The following GPR158 variants were observed in gnomAD, a reference collection of about 807,000 sequenced individuals.
GPR158 encodes the protein metabotropic glycine receptor.
GPR158 carries 30 observed loss-of-function variants against 78.2 expected under a neutral mutation model. The observed-to-expected ratio is 0.38, with a 90% confidence interval of 0.29 to 0.52. The LOEUF is 0.52. Ranked by LOEUF, GPR158 falls within the 20% of genes least tolerant of loss-of-function variation. The pLI, the probability that GPR158 is intolerant of heterozygous loss-of-function variation, is 0.83. For synonymous variants in GPR158, 581 were observed against 591.1 expected (o/e 0.98, Z 0.25); for missense variants, 1,463 against 1,523.5 (o/e 0.96, Z 0.66).
intron 2 of GPR158, among the ~76,000 whole-genome samples, chr10:25,222,753 T>G (rs1853317505): frequency 6.6e-6 from 1 of 152,194 alleles, no homozygotes; most frequent in African/African-American, 2.4e-5. Context: ...GACTTTTTTC[T>G]GCATGGGTGT....
intron 4 of GPR158, among the ~76,000 whole-genome samples, chr10:25,421,113 A>C (rs1834744380): frequency 6.6e-6 from 1 of 152,170 alleles, no homozygotes. Context: ...CTTTCTACTT[A>C]TATGTGTCTT....
intron 2 of GPR158, among the ~76,000 whole-genome samples, chr10:25,247,585 G>A (rs867831967): frequency 1.6e-4 from 20 of 126,720 alleles, no homozygotes; most frequent in Admixed American, 3.3e-4. Context: ...TTGTTCTTGC[G>A]ATAGTTTACT....
rs1300368408 is a variant in GPR158 at position 25,531,628 on chromosome 10, AT to A, written c.1405-19346del. The stretch of plus-strand genomic sequence containing the variant: ...TGGCTCCCTCGTCATAGGATTTGGT[AT>A]TATTTATGTTAATTTGCCATTGAGG... On this transcript the variant is annotated intron_variant, in intron 5 of 10. Transcript: ENST00000376351. Among the ~76,000 whole-genome samples, 5 of 61,888 alleles carry A rather than the reference AT, an allele frequency of 8.1e-5. No individual in the cohort carries two copies. The East Asian group carries it at 4.9e-3, about 60-fold the overall frequency. 40.6% of individuals were successfully genotyped at this position (61,888 alleles called of 152,430 possible). A position where few individuals can be genotyped will look rare whatever the true frequency, so the allele number is the denominator to read the frequency against.
At chr10:25,591,883 T>C (rs1837345420) in intron 8 of GPR158, among the ~76,000 whole-genome samples, 1 of 152,034 alleles carries the variant, frequency 6.6e-6, no homozygotes, top group Non-Finnish European at 1.5e-5. Flanking sequence ...ATACAGTAAA[T>C]CTGCATAACA....
rs1394981870 is a variant in GPR158 at position 25,445,179 on chromosome 10, A to G, written c.1336-21472A>G. 4.6e-5 allele frequency among the ~76,000 whole-genome samples: 7 copies of G among 152,238 alleles called. No homozygotes were observed. The East Asian group carries it at 1.2e-3, about 25-fold the overall frequency. On this transcript the variant is annotated intron_variant, in intron 4 of 10. Transcript: ENST00000376351. ...AAGTAATAAATGAGAAAAAAGGAAC[A>G]GGTATACAGAGGAAGTAACGCTTGA... is the stretch of plus-strand genomic sequence containing the variant.
At chr10:25,485,193 G>T (rs1210216708) in intron 5 of GPR158, among the ~76,000 whole-genome samples, 3 of 151,800 alleles carry the variant, frequency 2.0e-5, no homozygotes, top group Non-Finnish European at 4.4e-5. Flanking sequence ...GGAAAAAATT[G>T]TAAAAGGCTT....
chr10:25,318,373 C>T (rs933350617), intron 2 of GPR158, among the ~76,000 whole-genome samples: 4 of 151,808 alleles, frequency 2.6e-5, no homozygotes, highest in East Asian at 1.9e-4. Flanking sequence ...AGGTCATTTC[C>T]GTGTAATTAC....
chr10:25,511,801 A>T (rs972277325), intron 5 of GPR158, among the ~76,000 whole-genome samples: 17 of 151,454 alleles, frequency 1.1e-4, no homozygotes, highest in African/African-American at 4.1e-4. Context: ...TCCTTTCCCC[A>T]CTTTATGTTT....
intron 4 of GPR158, among the ~76,000 whole-genome samples, chr10:25,460,868 C>G (rs1005150833): frequency 6.6e-6 from 1 of 152,180 alleles, no homozygotes; most frequent in Non-Finnish European, 1.5e-5. Flanking sequence ...CTTTGTATCT[C>G]TGTGTCACAT....
chr10:25,428,390 G>A (rs10764551), intron 4 of GPR158, among the ~76,000 whole-genome samples: 106,286 of 151,772 alleles, frequency 0.7, 38,199 homozygotes, highest in Non-Finnish European at 0.8. Flanking sequence ...CAAACTCTTC[G>A]TTAATTATAT....
intron 1 of GPR158, among the ~76,000 whole-genome samples, chr10:25,193,606 A>G (rs1313346886): frequency 6.6e-6 from 1 of 152,224 alleles, no homozygotes; most frequent in Non-Finnish European, 1.5e-5. Context: ...AAACATGTGA[A>G]GTGCTTTACA....
chr10:25,281,909 CAT>C (rs1367621821), intron 2 of GPR158, among the ~76,000 whole-genome samples: 2 of 152,094 alleles, frequency 1.3e-5, no homozygotes, highest in Non-Finnish European at 2.9e-5. Flanking sequence ...CCAGTGTAGA[CAT>C]AGAAATATAA....
At chr10:25,219,318 T>C (rs1468289702) in intron 1 of GPR158, among the ~76,000 whole-genome samples, 1 of 152,224 alleles carries the variant, frequency 6.6e-6, no homozygotes, top group Non-Finnish European at 1.5e-5. Context: ...TAGTGTTATC[T>C]TACAGTGATA....
Position 25,297,614 on chromosome 10 carries a change from A to G in GPR158, c.1008+76457A>G, listed in dbSNP as rs577640508. Among the ~76,000 whole-genome samples the G allele has an allele frequency of 8.5e-5, 13 of 152,270 alleles. No individual in the cohort carries two copies. In the East Asian group the frequency reaches 2.3e-3, roughly 27 times the overall value. ...TGTTCTGTTTTATCTCTTAACCCCC[A>G]TCTCCCACGTACGTTGAATTTATCA... On this transcript the variant is annotated intron_variant, in intron 2 of 10. Transcript: ENST00000376351.
chr10:25,356,578 T>C (rs115921304), intron 2 of GPR158, among the ~76,000 whole-genome samples: 5,993 of 136,598 alleles, frequency 0.044, 356 homozygotes, highest in African/African-American at 0.18. Flanking sequence ...AAATGGGTCT[T>C]ACAAGATTTG....
At chr10:25,239,393 T>TCC (rs1221157377) in intron 2 of GPR158, among the ~76,000 whole-genome samples, 15 of 151,846 alleles carry the variant, frequency 9.9e-5, no homozygotes, top group African/African-American at 3.4e-4. Flanking sequence ...CTGAGAGATC[T>TCC]CCTGAGAGTT....
intron 2 of GPR158, among the ~76,000 whole-genome samples, chr10:25,266,561 T>C (rs1347164476): frequency 6.6e-6 from 1 of 152,192 alleles, no homozygotes; most frequent in East Asian, 1.9e-4. Context: ...TAGAGTGTAA[T>C]TTCTATTGTC....
chr10:25,429,345 AAAT>A (rs1834865416), intron 4 of GPR158, among the ~76,000 whole-genome samples: 3 of 152,152 alleles, frequency 2.0e-5, no homozygotes, highest in Non-Finnish European at 4.4e-5. Flanking sequence ...TTTATCTGAA[AAAT>A]ATATGGCCTC....
chr10:25,580,950 C>T (rs1837188381), intron 7 of GPR158, among the ~76,000 whole-genome samples: 1 of 136,382 alleles, frequency 7.3e-6, no homozygotes, highest in African/African-American at 2.7e-5. Context: ...CGGAGTCTCG[C>T]TCTGTTGCCC....
Sources: gnomAD v4.1 joint callset for allele counts (sites outside exome capture counted in the v4.1 genomes callset) on GRCh38, gnomAD v4.1.1 for gene constraint, MANE v1.5 for transcripts, NCBI Gene and HGNC (gene_info 2026-07-23, HGNC 2026-07-21) for gene names.